Variants in ACAD10 observed in about 807,000 individuals in gnomAD.
The protein encoded by ACAD10 is ACAD-10.
A neutral mutation model predicts 116.8 loss-of-function variants in ACAD10; 112 were observed. That is an observed-to-expected ratio of 0.96 (90% CI 0.82 to 1.12). The LOEUF (loss-of-function observed/expected upper bound fraction) is 1.12, where lower values mean the gene tolerates loss of function less well. Among genes scored for constraint, ACAD10 ranks in the 50% most tolerant of loss-of-function variants. The probability of loss-of-function intolerance (pLI) is 0.00; values close to 1 mark genes in which losing one functional copy is unlikely to be tolerated. For missense variants in ACAD10, 1,259 were observed against 1,350.2 expected, an observed-to-expected ratio of 0.93 and a Z score of 1.06; for synonymous variants, 486 against 510.6, an observed-to-expected ratio of 0.95 and a Z score of 0.65.
intron 17 of ACAD10, chr12:111,748,819 T>G: frequency 1.6e-6 from 1 of 607,046 alleles, no homozygotes; most frequent in South Asian, 1.9e-5. Context: ...AGCCCTGGTT[T>G]GGTCCGCTCC....
intron 8 of ACAD10, among the ~76,000 whole-genome samples, chr12:111,724,307 C>T (rs945777319): frequency 3.9e-5 from 6 of 152,000 alleles, no homozygotes; most frequent in African/African-American, 7.2e-5. Context: ...CGGAGACGCT[C>T]CTCACTTTCC....
At chr12:111,719,725 G>A (rs1298870013) in intron 7 of ACAD10, among the ~76,000 whole-genome samples, 2 of 151,736 alleles carry the variant, frequency 1.3e-5, no homozygotes, top group African/African-American at 2.4e-5. Context: ...GCTAATTTTT[G>A]TATTATTTTT....
intron 5 of ACAD10, among the ~76,000 whole-genome samples, chr12:111,711,397 T>C (rs1011762182): frequency 1.3e-5 from 2 of 151,888 alleles, no homozygotes; most frequent in African/African-American, 4.8e-5. Flanking sequence ...GAGACAGGGT[T>C]TCACTGTGTT....
chr12:111,753,740 T>C (rs764495757), intron 18 of ACAD10, 32 bp from the exon 19 acceptor site: 8 of 1,613,504 alleles, frequency 5.0e-6, no homozygotes, highest in Admixed American at 3.3e-5. Context: ...CAGCCCAGCA[T>C]GTCCTCAGCC....
At chr12:111,710,870 A>G (rs1339239115) in intron 5 of ACAD10, among the ~76,000 whole-genome samples, 1 of 152,032 alleles carries the variant, frequency 6.6e-6, no homozygotes, top group Non-Finnish European at 1.5e-5. Flanking sequence ...CAGGCTTCCC[A>G]AGTGGCTGGA....
intron 13 of ACAD10, 35 bp downstream of exon 13, chr12:111,745,078 T>C (rs1889853783): frequency 1.3e-6 from 2 of 1,585,796 alleles, no homozygotes; most frequent in African/African-American, 1.3e-5. Context: ...AAGACCCCAA[T>C]ACCATGGCAT....
intron 12 of ACAD10, among the ~76,000 whole-genome samples, chr12:111,738,967 A>G (rs1313049996): frequency 6.5e-5 from 8 of 122,462 alleles, no homozygotes; most frequent in Admixed American, 1.1e-4. Context: ...CCAGGAAAGC[A>G]ACTTATTATT....
chr12:111,755,432 C>T (rs1890182833), intron 19 of ACAD10, among the ~76,000 whole-genome samples: 1 of 152,010 alleles, frequency 6.6e-6, no homozygotes, highest in South Asian at 2.1e-4. Flanking sequence ...GAGGGGGTCT[C>T]ACTCTGTTGT....
rs372377017 is a variant in ACAD10, at chr12:111,716,204, C to G, written c.992+242C>G. The stretch of plus-strand genomic sequence containing the variant: ...ATGCAGCAAGACCCTGTTTCTACCC[C>G]CCATCCCCCCCCAAAAAAAAGCCTG... On this transcript the variant is annotated intron_variant, in intron 7 of 20. Coordinates refer to ENST00000313698, the MANE Select transcript of ACAD10 (RefSeq NM_025247.6). Among the ~76,000 whole-genome samples, 15 of 152,056 alleles carry G rather than the reference C, an allele frequency of 9.9e-5. No homozygotes were observed. In the East Asian group the frequency reaches 2.7e-3, roughly 28 times the overall value.
At position 111,692,856 on chromosome 12, in the gene ACAD10, G is replaced by A. The variant is rs1245699583; in HGVS notation, c.147G>A (p.Met49Ile). ...CCTACAGAGCGGTGATTTTCGACAT[G>A]GGCGGAGTTCTCATTCCTTCTCCAG... ...GSTYRAVIFD[M>I]GGVLIPSPGR... is the part of the protein sequence containing the mutation. Residue 49 changes from methionine (M) to isoleucine (I), a missense_variant, in exon 2 of 21, where the codon ATG becomes ATA. Met to Ile is a conservative substitution (Grantham distance 10). Transcript: ENST00000313698. 6.2e-7 allele frequency: 1 copy of A among 1,614,188 alleles called. No homozygotes were observed. The highest frequency in any genetic ancestry group is 8.5e-7 in the Non-Finnish European group (1 of 1,180,038).
chr12:111,755,604 G>A (rs1160813950), intron 19 of ACAD10, 64 bp from the exon 20 acceptor site: 108 of 1,229,894 alleles, frequency 8.8e-5, no homozygotes, highest in East Asian at 3.5e-4. Flanking sequence ...GGGACGGGGG[G>A]GCCTCACTCT....
At chr12:111,755,500 TCAAA>T (rs1890185341) in intron 19 of ACAD10, among the ~76,000 whole-genome samples, 164 bp from the exon 20 acceptor site, 1 of 152,048 alleles carries the variant, frequency 6.6e-6, no homozygotes, top group Admixed American at 6.6e-5. Flanking sequence ...CTTCCCAGAC[TCAAA>T]CAATCCTCTC....
At chr12:111,750,775 C>T (rs1890053061) in intron 18 of ACAD10, among the ~76,000 whole-genome samples, 1 of 152,120 alleles carries the variant, frequency 6.6e-6, no homozygotes, top group Non-Finnish European at 1.5e-5. Context: ...GCTTCCAGGA[C>T]AGGAATTCAA....
chr12:111,729,936 A>G lies in ACAD10; in HGVS notation c.1374A>G (p.Thr458=), dbSNP rs1321541830. The G allele has an allele frequency of 6.2e-7, 1 of 1,614,096 alleles. No homozygotes were observed. The highest frequency in any genetic ancestry group is 1.7e-5 in the Admixed American group (1 of 60,004). The change falls in exon 10 of 21, where the codon ACA becomes ACG. Residue 458 remains threonine, a synonymous_variant. Coordinates refer to ENST00000313698, the MANE Select transcript of ACAD10 (RefSeq NM_025247.6). The part of the protein sequence containing the change: ...PLHLPRQQRT[T]VVHGDFRLDN... ...ATCTTCCCCGTCAGCAGAGGACCAC[A>G]GTGGTGCACGGGGACTTCAGGTAGA...
intron 8 of ACAD10, among the ~76,000 whole-genome samples, chr12:111,724,428 C>T (rs1212164453): frequency 1.3e-5 from 2 of 152,320 alleles, no homozygotes; most frequent in South Asian, 2.1e-4. Flanking sequence ...GCTGCAATCT[C>T]AGCACTTTGG....
chr12:111,718,976 A>T (rs1173254141), intron 7 of ACAD10, among the ~76,000 whole-genome samples: 1 of 151,870 alleles, frequency 6.6e-6, no homozygotes, highest in Non-Finnish European at 1.5e-5. Context: ...GTGGTGGTGC[A>T]CACCTATAGT....
chr12:111,756,453 G>T lies in ACAD10; in HGVS notation c.3160G>T (p.Glu1054Ter). The T allele has an allele frequency of 6.2e-7, 1 of 1,612,740 alleles. No homozygotes were observed. The highest frequency in any genetic ancestry group is 8.5e-7 in the Non-Finnish European group (1 of 1,179,856). Residue 1054 changes from glutamate (E) to a stop codon, truncating the protein, a stop_gained, in exon 21 of 21, where the codon GAG becomes TAG. Coordinates refer to ENST00000313698, the MANE Select transcript of ACAD10 (RefSeq NM_025247.6). LOFTEE classifies it high-confidence loss of function. ...GCACCGGGCCACGGTGGCCAAGCTA[G>T]AGCTGAAGCACCGCATTTAGAGCCT... is the stretch of plus-strand genomic sequence containing the variant. Reference protein sequence around the residue: ...EVHRATVAKLELKHRI With the variant: ...EVHRATVAKL
chr12:111,724,905 G>C (rs1050726815), intron 8 of ACAD10, among the ~76,000 whole-genome samples: 1 of 151,196 alleles, frequency 6.6e-6, no homozygotes, highest in Non-Finnish European at 1.5e-5. Flanking sequence ...GAGGGAGACC[G>C]TGGGGAGAGG....
At chr12:111,734,589 A>G (rs1889493913) in intron 11 of ACAD10, among the ~76,000 whole-genome samples, 1 of 152,136 alleles carries the variant, frequency 6.6e-6, no homozygotes. Context: ...ATGCCATTGC[A>G]CTCCAGCCTG....
Sources: allele counts gnomAD v4.1 joint callset (sites outside exome capture counted in the v4.1 genomes callset), GRCh38; gene constraint gnomAD v4.1.1; transcripts MANE v1.5; gene names NCBI Gene and HGNC (gene_info 2026-07-23, HGNC 2026-07-21).